Variants in LRRK2 observed in about 807,000 individuals in gnomAD.
LRRK2 encodes leucine-rich repeat serine/threonine-protein kinase 2.
Under a neutral mutation model 302.6 loss-of-function variants are expected in LRRK2, and 203 were observed. That is an observed-to-expected ratio of 0.67 (90% CI 0.60 to 0.75). The LOEUF is 0.75. Ranked by LOEUF, LRRK2 falls within the 30% of genes least tolerant of loss-of-function variation. The pLI is 0.00. For missense variants in LRRK2, 2,830 were observed against 2,951.0 expected (o/e 0.96, Z 0.95); for synonymous variants, 1,066 against 1,031.9 (o/e 1.03, Z -0.63).
chr12:40,342,912 G>A (rs1946088786), intron 41 of LRRK2, among the ~76,000 whole-genome samples: 1 of 152,046 alleles, frequency 6.6e-6, no homozygotes, highest in Non-Finnish European at 1.5e-5. Flanking sequence ...TGAGCGATGT[G>A]CTGGGCTTGT....
chr12:40,314,201 A>G (rs2136849319), intron 32 of LRRK2, 28 bp downstream of exon 32: 1 of 1,595,908 alleles, frequency 6.3e-7, no homozygotes, highest in Non-Finnish European at 8.6e-7. Flanking sequence ...CTTATTTTCA[A>G]AGCTCAGCTG....
At chr12:40,367,279 T>C in intron 50 of LRRK2, 2 of 533,908 alleles carry the variant, frequency 3.7e-6, no homozygotes, top group South Asian at 4.9e-5. Context: ...TATTTTCAGC[T>C]GAAGTAGAGG....
At chr12:40,353,963 G>A (rs1419111678) in intron 44 of LRRK2, among the ~76,000 whole-genome samples, 1 of 152,218 alleles carries the variant, frequency 6.6e-6, no homozygotes, top group Non-Finnish European at 1.5e-5. Flanking sequence ...CGGCATCAGA[G>A]GGAGACGGTG....
chr12:40,258,153 T>G (rs1243166985), intron 12 of LRRK2, among the ~76,000 whole-genome samples: 1 of 152,200 alleles, frequency 6.6e-6, no homozygotes, highest in African/African-American at 2.4e-5. Context: ...AATAAATTAA[T>G]TTTTACAAAG....
Position 40,250,950 on chromosome 12 carries a change from A to G in LRRK2, c.959-282A>G, listed in dbSNP as rs17443414. 0.058 allele frequency among the ~76,000 whole-genome samples: 8,738 copies of G among 150,182 alleles called. 356 individuals carry two copies. The highest frequency in any genetic ancestry group is 0.13 in the Admixed American group (1,960 of 15,116). On this transcript the variant is annotated intron_variant, in intron 8 of 50. Transcript: ENST00000298910. ...TGATTCCATGTCTTTGCTCTTGTGA[A>G]TAGTGCTGTGATGAACTAATCTTTT... is the stretch of plus-strand genomic sequence containing the variant.
chr12:40,341,305 G>A (rs1293027305), intron 41 of LRRK2, among the ~76,000 whole-genome samples: 2 of 152,178 alleles, frequency 1.3e-5, no homozygotes, highest in Non-Finnish European at 2.9e-5. Flanking sequence ...ACCGTGCCTG[G>A]CACAGAAGAA....
intron 40 of LRRK2, among the ~76,000 whole-genome samples, chr12:40,339,179 A>G (rs1385248811): frequency 6.6e-6 from 1 of 152,198 alleles, no homozygotes; most frequent in Non-Finnish European, 1.5e-5. Flanking sequence ...GTGATGGAGT[A>G]ACTATTAATT....
chr12:40,265,847 G>T (rs7313276), intron 14 of LRRK2, among the ~76,000 whole-genome samples: 11,224 of 151,994 alleles, frequency 0.074, 575 homozygotes, highest in Non-Finnish European at 0.11. Context: ...AAATAATGCC[G>T]CATATCTACA....
chr12:40,363,852 A>G (rs925345180), intron 48 of LRRK2, among the ~76,000 whole-genome samples: 20 of 152,046 alleles, frequency 1.3e-4, no homozygotes, highest in African/African-American at 4.8e-4. Flanking sequence ...TAGCTTTGAC[A>G]TAGTTCTGTC....
chr12:40,321,917 A>C, intron 35 of LRRK2, 118 bp from the exon 36 acceptor site: 1 of 988,910 alleles, frequency 1.0e-6, no homozygotes, highest in Non-Finnish European at 1.5e-6. Flanking sequence ...TATCAGTAAC[A>C]ACCCAATACT....
At chr12:40,268,502 A>C (rs575793624) in intron 14 of LRRK2, among the ~76,000 whole-genome samples, 1 of 152,194 alleles carries the variant, frequency 6.6e-6, no homozygotes, top group Admixed American at 6.6e-5. Context: ...TATGAAGCTT[A>C]GGGGTAGAGA....
At chr12:40,304,760 A>C (rs1944755691) in intron 27 of LRRK2, 1 of 151,856 alleles carries the variant, frequency 6.6e-6, no homozygotes, top group African/African-American at 2.4e-5. Context: ...AATACCATTC[A>C]ATTTTTTTTT....
At chr12:40,366,832 T>G in intron 49 of LRRK2, 174 bp from the exon 50 acceptor site, 1 of 544,202 alleles carries the variant, frequency 1.8e-6, no homozygotes, top group Non-Finnish European at 3.3e-6. Context: ...TTTTGTTATT[T>G]TTTAAAAAAA....
chr12:40,225,731 G>A, intron 2 of LRRK2, 91 bp downstream of exon 2: 3 of 1,202,200 alleles, frequency 2.5e-6, no homozygotes, highest in Non-Finnish European at 3.6e-6. Flanking sequence ...AGAGTTCTTG[G>A]TTATTCCCAA....
intron 14 of LRRK2, among the ~76,000 whole-genome samples, chr12:40,269,598 CTTAAT>C (rs1293910091): frequency 6.6e-5 from 10 of 152,082 alleles, no homozygotes; most frequent in African/African-American, 2.4e-5. Context: ...GTTACTGCAG[CTTAAT>C]TTAATCTTTC....
chr12:40,328,476 A>C lies in LRRK2; in HGVS notation c.5757+16A>C. On this transcript the variant is annotated intron_variant, in intron 39 of 50. Coordinates refer to ENST00000298910, the MANE Select transcript of LRRK2 (RefSeq NM_198578.4). ...GTTAAGACAAGTAAGAAATTCAATA[A>C]TATAATTATATTAAATTGCACATTA... The C allele has an allele frequency of 6.6e-7, 1 of 1,524,492 alleles. No homozygotes were observed. The highest frequency in any genetic ancestry group is 1.2e-5 in the South Asian group (1 of 86,716). The allele number at this position is 1,524,492 out of a possible 1,614,324, so 94.4% of individuals were successfully genotyped here.
chr12:40,295,546 C>T lies in LRRK2; in HGVS notation c.2998C>T (p.Leu1000=). The T allele has an allele frequency of 6.2e-7, 1 of 1,613,990 alleles. No homozygotes were observed. The highest frequency in any genetic ancestry group is 8.5e-7 in the Non-Finnish European group (1 of 1,179,986). ...AAATGAACTAAGAGATATTGATGCC[C>T]TAAGCCAGAAATGCTGTATAAGTGT... ...SANELRDIDA[L]SQKCCISVHL... The change falls in exon 23 of 51, where the codon CTA becomes TTA. Residue 1000 remains leucine (L), a synonymous_variant. Coordinates refer to ENST00000298910, the MANE Select transcript of LRRK2 (RefSeq NM_198578.4).
chr12:40,245,873 C>G (rs150364407), intron 7 of LRRK2, among the ~76,000 whole-genome samples: 5 of 151,906 alleles, frequency 3.3e-5, no homozygotes, highest in African/African-American at 1.2e-4. Context: ...AGTTCTCTAC[C>G]TAGCAATTAT....
intron 13 of LRRK2, among the ~76,000 whole-genome samples, chr12:40,260,439 G>A (rs953568130): frequency 1.3e-5 from 2 of 151,490 alleles, no homozygotes; most frequent in African/African-American, 2.4e-5. Context: ...AAAGGCCAAG[G>A]AAGACATTTC....
Sources: gnomAD v4.1 joint callset for allele counts (sites outside exome capture counted in the v4.1 genomes callset) on GRCh38, gnomAD v4.1.1 for gene constraint, MANE v1.5 for transcripts, NCBI Gene and HGNC (gene_info 2026-07-23, HGNC 2026-07-21) for gene names.